The following CCDC148 variants were observed in gnomAD, a reference collection of about 807,000 sequenced individuals.
CCDC148 encodes the protein coiled-coil domain-containing protein 148.
CCDC148 carries 89 observed loss-of-function variants against 85.7 expected under a neutral mutation model. That is an observed-to-expected ratio of 1.04 (90% CI 0.87 to 1.24). The LOEUF is 1.24. CCDC148 is among the 50% of genes most tolerant of loss of function. CCDC148 has a pLI of 0.00. For missense variants in CCDC148, 692 were observed against 671.7 expected, an observed-to-expected ratio of 1.03 and a Z score of -0.33; for synonymous variants, 230 against 213.9, an observed-to-expected ratio of 1.08 and a Z score of -0.66.
At chr2:158,194,162 G>C (rs1258839537) in intron 11 of CCDC148, among the ~76,000 whole-genome samples, 1 of 152,006 alleles carries the variant, frequency 6.6e-6, no homozygotes, top group Non-Finnish European at 1.5e-5. Context: ...ATGAGGAAGG[G>C]TGTTGGCAAT....
At chr2:158,283,173 A>T (rs765271276) in intron 9 of CCDC148, among the ~76,000 whole-genome samples, 2 of 152,204 alleles carry the variant, frequency 1.3e-5, no homozygotes, top group African/African-American at 2.4e-5. Flanking sequence ...AACCATAAAA[A>T]CCCTAGACGA....
intron 10 of CCDC148, among the ~76,000 whole-genome samples, chr2:158,229,231 A>G (rs1687727830): frequency 6.6e-6 from 1 of 152,156 alleles, no homozygotes; most frequent in Non-Finnish European, 1.5e-5. Context: ...AGACTCTGTG[A>G]CCAGAACCTG....
intron 1 of CCDC148, among the ~76,000 whole-genome samples, chr2:158,402,518 A>G (rs895660806): frequency 2.0e-5 from 3 of 152,036 alleles, no homozygotes; most frequent in African/African-American, 7.2e-5. Flanking sequence ...GGGATCATCA[A>G]TAGTCCCAGC....
intron 9 of CCDC148, among the ~76,000 whole-genome samples, chr2:158,303,177 G>C (rs1422655149): frequency 6.6e-6 from 1 of 152,086 alleles, no homozygotes; most frequent in Non-Finnish European, 1.5e-5. Flanking sequence ...CAAAATTATG[G>C]TTAAATGTTT....
chr2:158,387,372 G>A (rs1685133206), intron 1 of CCDC148, among the ~76,000 whole-genome samples: 1 of 151,998 alleles, frequency 6.6e-6, no homozygotes, highest in African/African-American at 2.4e-5. Context: ...GTTCATTATA[G>A]TTTTCTCCTC....
rs115467819 is a variant in CCDC148, at chr2:158,416,603, T to G, written c.25+39812A>C. ...TCCAGTTCCCTATAAGTTCCTCATC[T>G]CCACCTGAGACCACATCAGCCTCAC... On this transcript the variant is annotated intron_variant, in intron 1 of 13. Transcript: ENST00000283233. Among the ~76,000 whole-genome samples the G allele has an allele frequency of 4.8e-3, 732 of 152,298 alleles. 2 individuals are homozygous for G. Among genetic ancestry groups the G allele is most frequent in the African/African-American group, 0.016 (660 of 41,554 alleles).
At chr2:158,306,577 A>T (rs986038153) in intron 9 of CCDC148, among the ~76,000 whole-genome samples, 6 of 151,948 alleles carry the variant, frequency 3.9e-5, no homozygotes, top group African/African-American at 1.5e-4. Flanking sequence ...CTATCACAAG[A>T]ACAAAAAACC....
intron 12 of CCDC148, among the ~76,000 whole-genome samples, chr2:158,176,888 T>C (rs886214375): frequency 1.3e-5 from 2 of 152,142 alleles, no homozygotes; most frequent in African/African-American, 4.8e-5. Flanking sequence ...CCTTGGCATA[T>C]AGTTATTTGC....
intron 1 of CCDC148, among the ~76,000 whole-genome samples, chr2:158,386,208 T>A (rs1685081488): frequency 6.6e-6 from 1 of 152,108 alleles, no homozygotes; most frequent in Admixed American, 6.6e-5. Context: ...CTGCTATTAG[T>A]CTCATTTTTC....
At chr2:158,248,610 CT>C (rs1446918274) in intron 10 of CCDC148, among the ~76,000 whole-genome samples, 1 of 151,976 alleles carries the variant, frequency 6.6e-6, no homozygotes, top group African/African-American at 2.4e-5. Flanking sequence ...GTACAGGACA[CT>C]TTATACATGT....
At chr2:158,227,845 A>G (rs986766670) in intron 10 of CCDC148, among the ~76,000 whole-genome samples, 3 of 152,228 alleles carry the variant, frequency 2.0e-5, no homozygotes, top group Admixed American at 6.5e-5. Context: ...ACCTAAAACC[A>G]TAAAAACCCT....
intron 2 of CCDC148, among the ~76,000 whole-genome samples, chr2:158,353,123 T>C (rs1421140966): frequency 6.6e-6 from 1 of 150,750 alleles, no homozygotes; most frequent in Non-Finnish European, 1.5e-5. Context: ...TGCAAAATCA[T>C]GCCAAAATGT....
Position 158,358,439 on chromosome 2 carries a change from A to T in CCDC148, c.147+10T>A. ...AAACTAGAAAAACACATACACACAC[A>T]ACTTCTAACCTTTAGCTTTGCAGAG... On this transcript the variant is annotated intron_variant, in intron 2 of 13. Transcript: ENST00000283233. The T allele has an allele frequency of 6.3e-7, 1 of 1,599,336 alleles. No individual in the cohort carries two copies. The highest frequency in any genetic ancestry group is 8.5e-7 in the Non-Finnish European group (1 of 1,175,804).
chr2:158,329,551 T>A (rs201480800), intron 7 of CCDC148, among the ~76,000 whole-genome samples: 2 of 151,716 alleles, frequency 1.3e-5, no homozygotes, highest in Non-Finnish European at 2.9e-5. Context: ...GTGAAGAAAG[T>A]CATTGGTAGC....
chr2:158,176,391 T>C, intron 13 of CCDC148, 130 bp downstream of exon 13: 1 of 844,422 alleles, frequency 1.2e-6, no homozygotes, highest in Non-Finnish European at 1.7e-6. Context: ...CATTTAGAAG[T>C]AAAAATTATG....
chr2:158,193,518 A>G (rs1233328497), intron 11 of CCDC148, among the ~76,000 whole-genome samples: 1 of 152,006 alleles, frequency 6.6e-6, no homozygotes, highest in African/African-American at 2.4e-5. Flanking sequence ...GCTCCTCTAG[A>G]AACGTTTAGC....
At chr2:158,358,835 T>C (rs542988649) in intron 1 of CCDC148, among the ~76,000 whole-genome samples, 1 of 152,008 alleles carries the variant, frequency 6.6e-6, no homozygotes, top group Non-Finnish European at 1.5e-5. Context: ...GTACCATATA[T>C]TGAAGATTTT....
At position 158,338,766 on chromosome 2, in the gene CCDC148, T is replaced by G; in HGVS notation, c.724A>C (p.Lys242Gln). The change falls in exon 7 of 14, where the codon AAG (lysine) becomes CAG (glutamine). Residue 242 changes from lysine to glutamine, a missense_variant. Lys to Gln is a moderately conservative substitution (Grantham distance 53). Coordinates refer to ENST00000283233, the MANE Select transcript of CCDC148 (RefSeq NM_138803.4). Reference protein sequence around the residue: ...FYKFTQKYQKKLQDFNLQLED... With the variant: ...FYKFTQKYQKQLQDFNLQLED... ...AACTGCAGATTAAAGTCTTGAAGCT[T>G]CTTCTGATATTTCTGTGTAAACTTA... The G allele has an allele frequency of 6.2e-7, 1 of 1,610,666 alleles. No homozygotes were observed. The highest frequency in any genetic ancestry group is 8.5e-7 in the Non-Finnish European group (1 of 1,179,178).
At chr2:158,431,567 T>A (rs1376517493) in intron 1 of CCDC148, among the ~76,000 whole-genome samples, 2 of 151,292 alleles carry the variant, frequency 1.3e-5, no homozygotes, top group Non-Finnish European at 2.9e-5. Flanking sequence ...AAACAAAAAA[T>A]TTTTCAGGAA....
Sources: allele counts gnomAD v4.1 joint callset (sites outside exome capture counted in the v4.1 genomes callset), GRCh38; gene constraint gnomAD v4.1.1; transcripts MANE v1.5; gene names NCBI Gene and HGNC (gene_info 2026-07-23, HGNC 2026-07-21).